FAM72C: variants seen among roughly 807,000 people sequenced by gnomAD.
The protein encoded by FAM72C is RUMY family member 3.
FAM72C carries 1 observed loss-of-function variant against 5.2 expected under a neutral mutation model. The observed-to-expected ratio is 0.19, with a 90% CI of 0.07 to 0.91. FAM72C has a LOEUF of 0.91. Ranked by LOEUF, FAM72C falls within the 40% of genes least tolerant of loss-of-function variation. FAM72C has a pLI of 0.66. For missense variants in FAM72C, 4 were observed against 66.0 expected (o/e 0.06, Z 3.25); for synonymous variants, 1 against 21.8 (o/e 0.05, Z 2.66).
In FAM72C at chr1:143,967,110, G is replaced by C. The variant is rs1228361933; in HGVS notation, c.230+1814C>G. On this transcript the variant is annotated intron_variant, in intron 2 of 3. Coordinates refer to ENST00000584486, the MANE Select transcript of FAM72C (RefSeq NM_001287385.2). ...ACACTTTGGGAGGCCGAGGCAGGTG[G>C]ATCACTTGAGGTCAGGAGTTTGAGA... is the stretch of plus-strand genomic sequence containing the variant. Among the ~76,000 whole-genome samples, 48 of 145,248 alleles carry C rather than the reference G, an allele frequency of 3.3e-4. 10 individuals carry two copies. The highest frequency in any genetic ancestry group is 1.2e-3 in the African/African-American group (48 of 39,228).
Position 143,960,662 on chromosome 1 carries a change from C to T in FAM72C, c.356-4181G>A, listed in dbSNP as rs1469429802. ...CTTGAACCCGGGAGGCAGAGGCTGC[C>T]ATGAGCCAAGATGACACCATTGCAC... On this transcript the variant is annotated intron_variant, in intron 3 of 3. Transcript: ENST00000584486. Among the ~76,000 whole-genome samples the T allele has an allele frequency of 9.9e-5, 12 of 121,806 alleles. 1 individual carries two copies. Among genetic ancestry groups the T allele is most frequent in the African/African-American group, 3.8e-4 (12 of 31,966 alleles). The allele number at this position is 121,806 out of a possible 152,430, so 79.9% of individuals were successfully genotyped here. A position where few individuals can be genotyped will look rare whatever the true frequency, so the allele number is the denominator to read the frequency against.
At chr1:143,965,470 A>G (rs1661749116) in intron 2 of FAM72C, among the ~76,000 whole-genome samples, 1 of 108,654 alleles carries the variant, frequency 9.2e-6, no homozygotes, top group East Asian at 2.3e-4. Flanking sequence ...TTCTGGGATT[A>G]CAGGCATGAG....
At position 143,959,909 on chromosome 1, in the gene FAM72C, C is replaced by T. The variant is rs1232034324; in HGVS notation, c.356-3428G>A. 1.7e-4 allele frequency among the ~76,000 whole-genome samples: 23 copies of T among 136,346 alleles called. 2 individuals carry two copies. Among genetic ancestry groups the T allele is most frequent in the African/African-American group, 6.4e-4 (21 of 32,848 alleles). 89.4% of individuals were successfully genotyped at this position (136,346 alleles called of 152,430 possible). On this transcript the variant is annotated intron_variant, in intron 3 of 3. Coordinates refer to ENST00000584486, the MANE Select transcript of FAM72C (RefSeq NM_001287385.2). ...GAAGAATGGCTTGAGCCTGGGAGGT[C>T]GAGGCTGCAGTGAGCCAAGATTGTG...
chr1:143,963,521 AG>A (rs201581808), intron 3 of FAM72C, among the ~76,000 whole-genome samples: 2,796 of 146,490 alleles, frequency 0.019, 13 homozygotes, highest in African/African-American at 0.066. Context: ...TTGGTAAAGT[AG>A]TAACAGAATT....
In FAM72C at chr1:143,955,642, G is replaced by T. The variant is rs1158358905; in HGVS notation, c.*745C>A. On this transcript the variant is annotated 3_prime_UTR_variant, in exon 4 of 4. Transcript: ENST00000584486. ...TTTTTTCTATTTAAGATTTAGGACAGACTACTCGTCTAAAATTCACTATTT... is the reference window on the plus strand; with the variant it reads ...TTTTTTCTATTTAAGATTTAGGACATACTACTCGTCTAAAATTCACTATTT... The T allele has an allele frequency of 7.2e-6, 1 of 139,732 alleles. No individual in the cohort carries two copies. The highest frequency in any genetic ancestry group is 7.2e-5 in the Admixed American group (1 of 13,956). 8.7% of individuals were successfully genotyped at this position (139,732 alleles called of 1,614,324 possible).
intron 2 of FAM72C, among the ~76,000 whole-genome samples, chr1:143,967,264 G>A (rs1661799193): frequency 6.9e-6 from 1 of 145,884 alleles, no homozygotes; most frequent in Non-Finnish European, 1.5e-5. Context: ...GACTGCCTGA[G>A]CTCAGGAGTT....
intron 2 of FAM72C, among the ~76,000 whole-genome samples, chr1:143,965,910 T>C (rs1432206228): frequency 7.5e-6 from 1 of 133,882 alleles, no homozygotes; most frequent in Non-Finnish European, 1.6e-5. Flanking sequence ...CAATTTTTTT[T>C]TTTTTTTTTT....
intron 3 of FAM72C, among the ~76,000 whole-genome samples, chr1:143,960,093 T>C (rs1336364926): frequency 2.8e-5 from 3 of 107,020 alleles, no homozygotes; most frequent in Non-Finnish European, 5.8e-5. Flanking sequence ...ATAAAAAGTA[T>C]TATATAAATC....
rs1163964172 is a variant in FAM72C, at chr1:143,967,059, G to A, written c.230+1865C>T. Among the ~76,000 whole-genome samples the A allele has an allele frequency of 1.3e-4, 19 of 142,802 alleles. 2 individuals carry two copies. The South Asian group carries it at 3.7e-3, about 28-fold the overall frequency. 93.7% of individuals were successfully genotyped at this position (142,802 alleles called of 152,430 possible). Reference sequence around the variant, plus strand: ...AAACAAAAAAAATGTCGTTGCCCAGGTGCGGTGGCTCACACCTGTAATCTC... The same window carrying A: ...AAACAAAAAAAATGTCGTTGCCCAGATGCGGTGGCTCACACCTGTAATCTC... On this transcript the variant is annotated intron_variant, in intron 2 of 3. Transcript: ENST00000584486.
rs1313316638 is a variant in FAM72C at position 143,960,779 on chromosome 1, A to T, written c.355+4076T>A. On this transcript the variant is annotated intron_variant, in intron 3 of 3. Transcript: ENST00000584486. ...GTGCCTCAGCACCTTAACACAAGGA[A>T]AAAGAATTTTTTTTTTTTAAAAGAA... Among the ~76,000 whole-genome samples, 3 of 143,740 alleles carry T rather than the reference A, an allele frequency of 2.1e-5. 1 individual carries two copies. The highest frequency in any genetic ancestry group is 2.1e-4 in the Admixed American group (3 of 14,390). 94.3% of individuals were successfully genotyped at this position (143,740 alleles called of 152,430 possible). A position where few individuals can be genotyped will look rare whatever the true frequency, so the allele number is the denominator to read the frequency against.
chr1:143,960,934 AG>A (rs587708480), intron 3 of FAM72C, among the ~76,000 whole-genome samples: 1 of 132,334 alleles, frequency 7.6e-6, no homozygotes, highest in African/African-American at 2.8e-5. Context: ...CCTAGGTTCA[AG>A]GGGGGTTTCA....
chr1:143,962,322 CTTT>C (rs71252095), intron 3 of FAM72C, among the ~76,000 whole-genome samples: 2 of 135,474 alleles, frequency 1.5e-5, no homozygotes, highest in Admixed American at 1.5e-4. Context: ...CCTCTTATTC[CTTT>C]TTTTTTTTCA....
intron 3 of FAM72C, among the ~76,000 whole-genome samples, chr1:143,958,810 ACTAGC>A (rs1244817951): frequency 7.4e-6 from 1 of 135,078 alleles, no homozygotes; most frequent in Non-Finnish European, 1.6e-5. Context: ...CTAAATGAAG[ACTAGC>A]CTAGAAAACA....
chr1:143,955,453 A>C lies in FAM72C; in HGVS notation c.*934T>G, dbSNP rs1249157745. ...CCTACAACTGAGATATTAAAGAGAT[A>C]CATTTATTTTAGAGTTACATAAAAC... On this transcript the variant is annotated 3_prime_UTR_variant, in exon 4 of 4. Transcript: ENST00000584486. 1 of 138,556 alleles carries C rather than the reference A, an allele frequency of 7.2e-6. No individual in the cohort carries two copies. The highest frequency in any genetic ancestry group is 2.3e-4 in the East Asian group (1 of 4,438). 8.6% of individuals were successfully genotyped at this position (138,556 alleles called of 1,614,324 possible). A position where few individuals can be genotyped will look rare whatever the true frequency, so the allele number is the denominator to read the frequency against.
chr1:143,966,655 T>A (rs1411626736), intron 2 of FAM72C, among the ~76,000 whole-genome samples: 1 of 135,918 alleles, frequency 7.4e-6, no homozygotes, highest in Admixed American at 7.4e-5. Context: ...GTTGGTTACA[T>A]GTTGAAATAA....
At chr1:143,960,482 C>A (rs1294425960) in intron 3 of FAM72C, among the ~76,000 whole-genome samples, 1 of 134,458 alleles carries the variant, frequency 7.4e-6, no homozygotes, top group Non-Finnish European at 1.6e-5. Flanking sequence ...AATCCCAGCA[C>A]TTTGGGAGGC....
chr1:143,967,674 C>CA (rs1483130635), intron 2 of FAM72C, among the ~76,000 whole-genome samples: 3 of 111,134 alleles, frequency 2.7e-5, no homozygotes, highest in Non-Finnish European at 5.7e-5. Context: ...TTAGGATTGT[C>CA]ATTTATAATA....
At position 143,963,876 on chromosome 1, in the gene FAM72C, G is replaced by A. The variant is rs1458391534; in HGVS notation, c.355+979C>T. On this transcript the variant is annotated intron_variant, in intron 3 of 3. Transcript: ENST00000584486. Reference sequence around the variant, plus strand: ...ATTGTTGCCCAGGCTGAAATGCACTGGCATGATCACAGCTCACTGCAGCCT... The same window carrying A: ...ATTGTTGCCCAGGCTGAAATGCACTAGCATGATCACAGCTCACTGCAGCCT... 3.4e-4 allele frequency among the ~76,000 whole-genome samples: 43 copies of A among 127,936 alleles called. 1 individual carries two copies. Among genetic ancestry groups the A allele is most frequent in the African/African-American group, 1.2e-3 (41 of 33,496 alleles). The allele number at this position is 127,936 out of a possible 152,430, so 83.9% of individuals were successfully genotyped here.
intron 2 of FAM72C, among the ~76,000 whole-genome samples, chr1:143,967,205 C>A (rs1402634512): frequency 6.9e-6 from 1 of 145,526 alleles, no homozygotes; most frequent in Non-Finnish European, 1.5e-5. Context: ...GGGCTGGGTG[C>A]GGTGGCTCAC....
Sources: gnomAD v4.1 joint callset for allele counts (sites outside exome capture counted in the v4.1 genomes callset) on GRCh38, gnomAD v4.1.1 for gene constraint, MANE v1.5 for transcripts, NCBI Gene and HGNC (gene_info 2026-07-23, HGNC 2026-07-21) for gene names.